CDK10: variants seen among roughly 807,000 people sequenced by gnomAD.
CDK10 encodes cyclin-dependent kinase 10.
CDK10 carries 55 observed loss-of-function variants against 51.0 expected under a neutral mutation model. The observed-to-expected ratio is 1.08, with a 90% CI of 0.87 to 1.35. The LOEUF is 1.35. Ranked by LOEUF, CDK10 falls within the 40% of genes most tolerant of loss-of-function variation. The probability of loss-of-function intolerance (pLI) is 0.00; values close to 1 mark genes in which losing one functional copy is unlikely to be tolerated. For synonymous variants in CDK10, 255 were observed against 199.1 expected (o/e 1.28, Z -2.36); for missense variants, 589 against 485.1 (o/e 1.21, Z -2.01).
chr16:89,691,491 G>C lies in CDK10; in HGVS notation c.281G>C (p.Arg94Pro). ...GAGATCACGCTGCTGCTCCGCCTGC[G>C]TCATCCGAACATCGTGGAGCTGAAG... ...LREITLLLRLRHPNIVELKEV... is the reference protein window; with the variant it reads ...LREITLLLRLPHPNIVELKEV... The change falls in exon 4 of 13, where the codon CGT (arginine) becomes CCT (proline). Residue 94 changes from arginine (R) to proline (P), a missense_variant. Physicochemically the swap from Arg to Pro is moderately radical, Grantham distance 103 (BLOSUM62 -2). Coordinates refer to ENST00000353379, the MANE Select transcript of CDK10 (RefSeq NM_052988.5). 1 of 1,613,918 alleles carries C rather than the reference G, an allele frequency of 6.2e-7. No homozygotes were observed. Among genetic ancestry groups the C allele is most frequent in the African/African-American group, 1.3e-5 (1 of 75,044 alleles).
At position 89,695,064 on chromosome 16, in the gene CDK10, A is replaced by G. The variant is rs775664961; in HGVS notation, c.926A>G (p.Lys309Arg). 1.9e-6 allele frequency: 3 copies of G among 1,612,768 alleles called. No homozygotes were observed. The highest frequency in any genetic ancestry group is 2.5e-6 in the Non-Finnish European group (3 of 1,179,874). Residue 309 changes from lysine to arginine, a missense_variant, in exon 11 of 13, where the codon AAG becomes AGG. Physicochemically the swap from Lys to Arg is conservative, Grantham distance 26. Transcript: ENST00000353379. ...CACTTCCTGTTCATGTACGACCCTA[A>G]GAAAAGGTGCTGATCTCTGCACGGG... Reference protein sequence around the residue: ...LLHFLFMYDPKKRATAGDCLE... With the variant: ...LLHFLFMYDPRKRATAGDCLE...
intron 2 of CDK10, 155 bp from the exon 3 acceptor site, chr16:89,690,398 G>T (rs1020491591): frequency 1.3e-5 from 9 of 677,954 alleles, no homozygotes; most frequent in Non-Finnish European, 2.4e-5. Flanking sequence ...CGGGCTAGGG[G>T]CGTTGCACAG....
At chr16:89,695,543 T>TCCTCCTATCTGGGGCCCTGCC in intron 12 of CDK10, 52 bp from the exon 13 acceptor site, 1 of 1,563,758 alleles carries the variant, frequency 6.4e-7, no homozygotes, top group South Asian at 1.2e-5. Context: ...CTGGGCCTGC[T>TCCTCCTATCTGGGGCCCTGCC]CCTCCTATCT....
Position 89,690,596 on chromosome 16 carries a change from G to T in CDK10, c.204G>T (p.Lys68Asn). ...AGACAGATGAGATTGTCGCACTGAA[G>T]AAGGTGCGGATGGACAAGGAGAAGG... ...DTQTDEIVAL[K>N]KVRMDKEKDG... Residue 68 changes from lysine to asparagine, a missense_variant, in exon 3 of 13, where the codon AAG becomes AAT. By Grantham distance (94) the Lys-to-Asn change is moderately conservative (BLOSUM62 0). Transcript: ENST00000353379. The T allele has an allele frequency of 6.2e-7, 1 of 1,614,152 alleles. No individual in the cohort carries two copies. The highest frequency in any genetic ancestry group is 1.1e-5 in the South Asian group (1 of 91,088).
Position 89,695,596 on chromosome 16 carries a change from CTG to C in CDK10, c.990_991del (p.Cys330Ter). 6.2e-7 allele frequency: 1 copy of C among 1,602,704 alleles called. No homozygotes were observed. The highest frequency in any genetic ancestry group is 8.5e-7 in the Non-Finnish European group (1 of 1,176,294). On this transcript the variant is annotated frameshift_variant and splice_region_variant, in exon 13 of 13. Transcript: ENST00000353379. LOFTEE classifies it high-confidence loss of function. Reference sequence around the variant, plus strand: ...AGCACTGAACCCTTCTCCCTGCAGCCTGTGAGCCGGAGCTCATGCCGACCTTT... The same window carrying C: ...AGCACTGAACCCTTCTCCCTGCAGCCTGAGCCGGAGCTCATGCCGACCTTT... ...SSYFKEKPLP[C>X]EPELMPTFPH...
At chr16:89,688,472 C>T (rs1238309005) in intron 1 of CDK10, among the ~76,000 whole-genome samples, 3 of 152,066 alleles carry the variant, frequency 2.0e-5, no homozygotes, top group Non-Finnish European at 2.9e-5. Flanking sequence ...TGCCTTTTTT[C>T]ACTCTCCCCT....
chr16:89,694,555 C>T, intron 9 of CDK10, 110 bp from the exon 10 acceptor site: 1 of 1,509,998 alleles, frequency 6.6e-7, no homozygotes, highest in Non-Finnish European at 8.9e-7. Context: ...ACCCAGCGTG[C>T]CTCACACTGG....
chr16:89,696,019 G>A lies in CDK10; in HGVS notation c.*327G>A, dbSNP rs2060706108. The A allele has an allele frequency of 5.0e-6, 3 of 595,700 alleles. No homozygotes were observed. The highest frequency in any genetic ancestry group is 9.0e-6 in the Non-Finnish European group (3 of 333,048). The allele number at this position is 595,700 out of a possible 1,614,324, so 36.9% of individuals were successfully genotyped here. ...CTGCTTCTTGGGAGGAGTGGTGGGTGCAGTCCCCCCGCTGTCTTTGAGTTG... is the reference window on the plus strand; with the variant it reads ...CTGCTTCTTGGGAGGAGTGGTGGGTACAGTCCCCCCGCTGTCTTTGAGTTG... On this transcript the variant is annotated 3_prime_UTR_variant, in exon 13 of 13. Coordinates refer to ENST00000353379, the MANE Select transcript of CDK10 (RefSeq NM_052988.5).
intron 12 of CDK10, 64 bp from the exon 13 acceptor site, chr16:89,695,531 A>C (rs1597880846): frequency 6.5e-7 from 1 of 1,547,466 alleles, no homozygotes; most frequent in South Asian, 1.2e-5. Context: ...CTGGACTCAG[A>C]CCTGGGCCTG....
At chr16:89,693,354 C>T (rs1381869909) in intron 7 of CDK10, 28 bp downstream of exon 7, 2 of 1,613,950 alleles carry the variant, frequency 1.2e-6, no homozygotes, top group African/African-American at 2.7e-5. Context: ...CAGGCCCTGT[C>T]CCTAGATGGC....
At position 89,692,832 on chromosome 16, in the gene CDK10, A is replaced by C. The variant is rs114999605; in HGVS notation, c.485+316A>C. On this transcript the variant is annotated intron_variant, in intron 6 of 12. Coordinates refer to ENST00000353379, the MANE Select transcript of CDK10 (RefSeq NM_052988.5). The stretch of plus-strand genomic sequence containing the variant: ...CATCAACAGCATGTAAGAGTTAATG[A>C]AAAAAAAAATAATAAAGATACTACG... 256 of 235,050 alleles carry C rather than the reference A, an allele frequency of 1.1e-3. 2 individuals carry two copies. The highest frequency in any genetic ancestry group is 5.5e-3 in the African/African-American group (239 of 43,442). The allele number at this position is 235,050 out of a possible 1,614,324, so 14.6% of individuals were successfully genotyped here.
At chr16:89,687,533 A>C (rs1438490656) in intron 1 of CDK10, 1 of 455,616 alleles carries the variant, frequency 2.2e-6, no homozygotes, top group Admixed American at 2.3e-5. Flanking sequence ...CGTGTGCTGG[A>C]CTCTGGGGTG....
rs908680485 is a variant in CDK10, at chr16:89,691,866, A to C, written c.396A>C (p.Pro132=). The change falls in exon 5 of 13, where the codon CCA becomes CCC. Residue 132 remains proline, a synonymous_variant. Transcript: ENST00000353379. Reference sequence around the variant, plus strand: ...TGGCCAGCCTCCTGGAGAATATGCCAACACCCTTCTCGGAGGCTCAGGTGC... The same window carrying C: ...TGGCCAGCCTCCTGGAGAATATGCCCACACCCTTCTCGGAGGCTCAGGTGC... ...QDLASLLENM[P]TPFSEAQVKC... The C allele has an allele frequency of 3.7e-6, 6 of 1,613,770 alleles. No individual in the cohort carries two copies. In the African/African-American group the frequency reaches 6.7e-5, roughly 18 times the overall value.
intron 1 of CDK10, 145 bp from the exon 2 acceptor site, chr16:89,689,105 AAG>A: frequency 1.5e-6 from 1 of 688,916 alleles, no homozygotes; most frequent in Non-Finnish European, 2.5e-6. Context: ...GTCTCAAAAA[AAG>A]AAAAAAAAAG....
At chr16:89,694,531 TCA>T (rs1244981612) in intron 9 of CDK10, 132 bp from the exon 10 acceptor site, 3 of 1,479,520 alleles carry the variant, frequency 2.0e-6, no homozygotes, top group East Asian at 2.5e-5. Context: ...TGCCTGTCCT[TCA>T]CAGTGTCCCT....
chr16:89,694,663 A>G lies in CDK10; in HGVS notation c.669-2A>G. On this transcript the variant is annotated splice_acceptor_variant, in intron 9 of 12. Coordinates refer to ENST00000353379, the MANE Select transcript of CDK10 (RefSeq NM_052988.5). LOFTEE classifies it high-confidence loss of function. ...CGCAGTGAGGTCCACTGTTCTCTGC[A>G]GGGCTGTGGGCTGCATACTGGCCGA... 6.3e-7 allele frequency: 1 copy of G among 1,587,632 alleles called. No homozygotes were observed. Among genetic ancestry groups the G allele is most frequent in the Non-Finnish European group, 8.6e-7 (1 of 1,168,236 alleles).
rs758954020 is a variant in CDK10, at chr16:89,695,307, A to G, written c.947A>G (p.Asp316Gly). The G allele has an allele frequency of 1.2e-6, 2 of 1,611,456 alleles. No homozygotes were observed. Among genetic ancestry groups the G allele is most frequent in the African/African-American group, 2.7e-5 (2 of 74,876 alleles). ...GCCTCCTCCAGGGCGACGGCCGGGGACTGCCTGGAGAGCTCCTATTTCAAG... is the reference window on the plus strand; with the variant it reads ...GCCTCCTCCAGGGCGACGGCCGGGGGCTGCCTGGAGAGCTCCTATTTCAAG... ...YDPKKRATAGDCLESSYFKEK... is the reference protein window; with the variant it reads ...YDPKKRATAGGCLESSYFKEK... The change falls in exon 12 of 13, where the codon GAC (aspartate) becomes GGC (glycine). Residue 316 changes from aspartate to glycine, a missense_variant. Asp to Gly is a moderately conservative substitution (Grantham distance 94, BLOSUM62 -1). Coordinates refer to ENST00000353379, the MANE Select transcript of CDK10 (RefSeq NM_052988.5).
At chr16:89,695,382 A>T (rs973056780) in intron 12 of CDK10, 37 bp downstream of exon 12, 1 of 1,598,762 alleles carries the variant, frequency 6.3e-7, no homozygotes, top group Non-Finnish European at 8.6e-7. Flanking sequence ...TCTGTGGGGT[A>T]TGGCTGGGAG....
rs747998262 is a variant in CDK10, at chr16:89,695,049, T to C, written c.911T>C (p.Phe304Ser). The C allele has an allele frequency of 6.2e-7, 1 of 1,613,026 alleles. No individual in the cohort carries two copies. Residue 304 changes from phenylalanine (F) to serine (S), a missense_variant, in exon 11 of 13, where the codon TTC becomes TCC. Transcript: ENST00000353379. ...EAGLRLLHFL[F>S]MYDPKKRATA... The stretch of plus-strand genomic sequence containing the variant: ...GGGCTGCGCCTGCTGCACTTCCTGT[T>C]CATGTACGACCCTAAGAAAAGGTGC...
Sources: gnomAD v4.1 joint callset for allele counts (sites outside exome capture counted in the v4.1 genomes callset) on GRCh38, gnomAD v4.1.1 for gene constraint, MANE v1.5 for transcripts, NCBI Gene and HGNC (gene_info 2026-07-23, HGNC 2026-07-21) for gene names.